Variants in PCLO observed in about 807,000 individuals in gnomAD.
The protein encoded by PCLO is protein piccolo.
A neutral mutation model predicts 427.5 loss-of-function variants in PCLO; 82 were observed. That is an observed-to-expected ratio of 0.19 (90% CI 0.16 to 0.23). The LOEUF is 0.23. PCLO is among the 10% of genes least tolerant of loss of function. The pLI is 1.00. For synonymous variants in PCLO, 2,357 were observed against 2,155.4 expected (o/e 1.09, Z -2.59); for missense variants, 6,239 against 6,115.9 (o/e 1.02, Z -0.67).
chr7:83,043,441 T>C (rs1789020586), intron 3 of PCLO, among the ~76,000 whole-genome samples: 1 of 152,208 alleles, frequency 6.6e-6, no homozygotes, highest in East Asian at 1.9e-4. Flanking sequence ...TGAAATGACA[T>C]TATTTCAAAA....
At chr7:82,951,569 T>A in intron 5 of PCLO, 79 bp from the exon 6 acceptor site, 3 of 994,740 alleles carry the variant, frequency 3.0e-6, no homozygotes, top group Non-Finnish European at 4.4e-6. Flanking sequence ...CTCATCTTGA[T>A]GAACATAATG....
At chr7:82,878,363 AG>A (rs1186414316) in intron 10 of PCLO, among the ~76,000 whole-genome samples, 1 of 152,206 alleles carries the variant, frequency 6.6e-6, no homozygotes, top group African/African-American at 2.4e-5. Context: ...AAAGTTTTTA[AG>A]CAACAGCAGA....
At chr7:83,112,519 A>G (rs1423349368) in intron 3 of PCLO, among the ~76,000 whole-genome samples, 1 of 152,182 alleles carries the variant, frequency 6.6e-6, no homozygotes, top group East Asian at 1.9e-4. Context: ...AAGAAAAGAA[A>G]TCTCAGACCA....
chr7:83,017,144 G>A (rs1788228989), intron 3 of PCLO, among the ~76,000 whole-genome samples: 1 of 152,046 alleles, frequency 6.6e-6, no homozygotes. Context: ...TGATTTGGCA[G>A]TTTTAATATA....
At chr7:83,084,715 T>C (rs1450692375) in intron 3 of PCLO, among the ~76,000 whole-genome samples, 3 of 152,214 alleles carry the variant, frequency 2.0e-5, no homozygotes, top group Non-Finnish European at 4.4e-5. Flanking sequence ...CTCAAACACA[T>C]ACTTTAAAAA....
chr7:82,768,863 C>A lies in PCLO; in HGVS notation c.15008-7370G>T, dbSNP rs558301764. Among the ~76,000 whole-genome samples, 24 of 151,976 alleles carry A rather than the reference C, an allele frequency of 1.6e-4. No individual in the cohort carries two copies. In the South Asian group the frequency reaches 5.0e-3, roughly 32 times the overall value. On this transcript the variant is annotated intron_variant, in intron 22 of 24. Transcript: ENST00000333891. Reference sequence around the variant, plus strand: ...TATATGCATACATTTGTACACATACCTCTATCTCTAGCTATCTAATTTGCA... The same window carrying A: ...TATATGCATACATTTGTACACATACATCTATCTCTAGCTATCTAATTTGCA...
intron 6 of PCLO, among the ~76,000 whole-genome samples, chr7:82,931,542 A>G (rs780075868): frequency 4.1e-4 from 63 of 152,144 alleles, no homozygotes; most frequent in Admixed American, 1.3e-3. Context: ...AAGGAAGACT[A>G]CTTCTAAGCT....
In PCLO at chr7:82,953,213, A is replaced by C; in HGVS notation, c.7740T>G (p.Tyr2580Ter). 1 of 1,613,984 alleles carries C rather than the reference A, an allele frequency of 6.2e-7. No individual in the cohort carries two copies. Among genetic ancestry groups the C allele is most frequent in the Non-Finnish European group, 8.5e-7 (1 of 1,179,874 alleles). Residue 2580 changes from tyrosine (Y) to a stop codon, truncating the protein, a stop_gained, in exon 5 of 25, where the codon TAT becomes TAG. Coordinates refer to ENST00000333891, the MANE Select transcript of PCLO (RefSeq NM_033026.6). LOFTEE classifies it high-confidence loss of function. Reference protein sequence around the residue: ...PRFSKSLTETYVVITLPSEPG... With the variant: ...PRFSKSLTET ...GTTCAGATGGCAATGTAATAACTACATAAGTTTCTGTGAGGGATTTGGAAA... is the reference window on the plus strand; with the variant it reads ...GTTCAGATGGCAATGTAATAACTACCTAAGTTTCTGTGAGGGATTTGGAAA...
At chr7:83,004,447 T>A (rs1787898531) in intron 3 of PCLO, among the ~76,000 whole-genome samples, 1 of 149,172 alleles carries the variant, frequency 6.7e-6, no homozygotes, top group African/African-American at 2.5e-5. Flanking sequence ...AAACTGGATA[T>A]CCACATGAAA....
At position 83,086,962 on chromosome 7, in the gene PCLO, G is replaced by A. The variant is rs62458610; in HGVS notation, c.3300+47288C>T. Among the ~76,000 whole-genome samples, 1,498 of 150,494 alleles carry A rather than the reference G, an allele frequency of 1.0e-2. 15 individuals carry two copies. Among genetic ancestry groups the A allele is most frequent in the Middle Eastern group, 0.041 (12 of 290 alleles). ...AAACCATCATTCTCAGCAAACTATC[G>A]CAAGGACAAAAAACCAAACACCGCA... On this transcript the variant is annotated intron_variant, in intron 3 of 24. Coordinates refer to ENST00000333891, the MANE Select transcript of PCLO (RefSeq NM_033026.6).
chr7:82,877,983 C>T (rs528415293), intron 10 of PCLO, among the ~76,000 whole-genome samples: 40 of 152,184 alleles, frequency 2.6e-4, no homozygotes, highest in Non-Finnish European at 4.9e-4. Context: ...GCCCAGCCAA[C>T]AATATGCTTT....
intron 22 of PCLO, among the ~76,000 whole-genome samples, chr7:82,766,325 G>T (rs1382145640): frequency 1.3e-5 from 2 of 151,938 alleles, no homozygotes; most frequent in Non-Finnish European, 2.9e-5. Context: ...CTTTTCATAG[G>T]AATAACATGC....
At chr7:83,045,266 G>C (rs1328121116) in intron 3 of PCLO, among the ~76,000 whole-genome samples, 1 of 152,104 alleles carries the variant, frequency 6.6e-6, no homozygotes, top group East Asian at 1.9e-4. Flanking sequence ...AAAAGGAAAA[G>C]AGAAAAGGGG....
chr7:82,919,351 G>A (rs1794543360), intron 6 of PCLO, among the ~76,000 whole-genome samples: 1 of 151,982 alleles, frequency 6.6e-6, no homozygotes, highest in Non-Finnish European at 1.5e-5. Context: ...GGAGCCAGAA[G>A]GTAATGGAGT....
chr7:82,887,245 A>C (rs575573314), intron 9 of PCLO, among the ~76,000 whole-genome samples: 1 of 152,296 alleles, frequency 6.6e-6, no homozygotes, highest in East Asian at 1.9e-4. Context: ...AAAAGCTGAG[A>C]ACTCATCGTT....
intron 3 of PCLO, among the ~76,000 whole-genome samples, chr7:83,025,801 A>G (rs1035810596): frequency 1.3e-5 from 2 of 152,186 alleles, no homozygotes; most frequent in African/African-American, 2.4e-5. Flanking sequence ...GCCAATATTC[A>G]ACATTCTCAA....
chr7:82,863,942 T>C (rs1793028743), intron 10 of PCLO, among the ~76,000 whole-genome samples: 2 of 151,994 alleles, frequency 1.3e-5, no homozygotes, highest in African/African-American at 4.8e-5. Context: ...TGCCCATTTT[T>C]TTTCTCATTT....
chr7:83,085,359 C>A (rs1364131631), intron 3 of PCLO, among the ~76,000 whole-genome samples: 1 of 152,032 alleles, frequency 6.6e-6, no homozygotes, highest in Non-Finnish European at 1.5e-5. Context: ...ATTTAAAAAC[C>A]TACTGCGAAG....
chr7:82,848,597 C>T (rs142270810), intron 10 of PCLO, among the ~76,000 whole-genome samples: 211 of 152,146 alleles, frequency 1.4e-3, no homozygotes, highest in African/African-American at 5.0e-3. Context: ...AGGCATAAGC[C>T]ACTGTGCCTG....
Sources: allele counts gnomAD v4.1 joint callset (sites outside exome capture counted in the v4.1 genomes callset), GRCh38; gene constraint gnomAD v4.1.1; transcripts MANE v1.5; gene names NCBI Gene and HGNC (gene_info 2026-07-23, HGNC 2026-07-21).